BET1: variants seen among roughly 807,000 people sequenced by gnomAD.
The protein encoded by BET1 is Bet1 golgi vesicular membrane trafficking protein, also known as BET1 homolog.
In BET1, 9 loss-of-function variants were observed where a neutral mutation model predicts 13.9. The ratio of observed to expected loss-of-function variants is 0.65; its 90% confidence interval spans 0.39 to 1.13. The LOEUF (loss-of-function observed/expected upper bound fraction) is 1.13. Ranked by LOEUF, BET1 falls within the 50% of genes most tolerant of loss-of-function variation. The pLI, the probability that BET1 is intolerant of heterozygous loss-of-function variation, is 0.01. For synonymous variants in BET1, 39 were observed against 47.3 expected, an observed-to-expected ratio of 0.82 and a Z score of 0.72; for missense variants, 127 against 133.6, an observed-to-expected ratio of 0.95 and a Z score of 0.24.
downstream of BET1, among the ~76,000 whole-genome samples, chr7:93,991,074 C>T (rs561982620): frequency 1.3e-5 from 2 of 152,148 alleles, no homozygotes; most frequent in East Asian, 3.9e-4. Flanking sequence ...CAGAAGGATC[C>T]TGCTCTCCTG....
chr7:93,989,749 G>A (rs934376952), downstream of BET1, among the ~76,000 whole-genome samples: 4 of 152,192 alleles, frequency 2.6e-5, no homozygotes, highest in Non-Finnish European at 5.9e-5. Context: ...GTAACCAATA[G>A]AAAGAATGTT....
At chr7:93,964,490 C>T (rs1474172475) in exon 7 of BET1, 1 of 151,902 alleles carries the variant, frequency 6.6e-6, no homozygotes, top group African/African-American at 2.4e-5. Flanking sequence ...ATATATGTAC[C>T]ACATTTTCTT....
At chr7:93,989,984 A>G (rs187640125), downstream of BET1, among the ~76,000 whole-genome samples, 10 of 152,266 alleles carry the variant, frequency 6.6e-5, no homozygotes, top group East Asian at 1.7e-3. Flanking sequence ...TGTGGTATGG[A>G]TATCTTTAAT....
intron 6 of BET1, among the ~76,000 whole-genome samples, chr7:93,969,224 C>T (rs1795222488): frequency 6.6e-6 from 1 of 151,784 alleles, no homozygotes; most frequent in Non-Finnish European, 1.5e-5. Flanking sequence ...CAAGGAAATG[C>T]TCTAATCCAG....
chr7:93,999,743 T>C (rs1479530999), intron 1 of BET1: 1 of 455,372 alleles, frequency 2.2e-6, no homozygotes, highest in Non-Finnish European at 4.4e-6. Flanking sequence ...GGTTCTTTAC[T>C]GGCATCTCTT....
intron 4 of BET1, among the ~76,000 whole-genome samples, chr7:93,978,076 CT>C (rs11266825): frequency 0.29 from 43,408 of 147,538 alleles, 6,176 homozygotes; most frequent in Non-Finnish European, 0.31. Flanking sequence ...AACTTTGTTT[CT>C]TTTTTTTTTT....
At chr7:93,978,770 C>T (rs1795379424) in intron 4 of BET1, among the ~76,000 whole-genome samples, 1 of 152,146 alleles carries the variant, frequency 6.6e-6, no homozygotes, top group Non-Finnish European at 1.5e-5. Flanking sequence ...ATGGCTTTGA[C>T]AAACTTTTAC....
At chr7:93,978,906 A>C (rs1238324120) in intron 4 of BET1, among the ~76,000 whole-genome samples, 1 of 152,190 alleles carries the variant, frequency 6.6e-6, no homozygotes, top group Non-Finnish European at 1.5e-5. Context: ...GTCATGGTTC[A>C]AGAGCACCCA....
chr7:93,985,206 C>G (rs1795503224), intron 4 of BET1, among the ~76,000 whole-genome samples: 1 of 152,094 alleles, frequency 6.6e-6, no homozygotes, highest in Non-Finnish European at 1.5e-5. Flanking sequence ...TCATAATCTA[C>G]CTTGAGTCTG....
At chr7:93,964,206 T>C (rs917673307) in exon 7 of BET1, 5 of 152,112 alleles carry the variant, frequency 3.3e-5, no homozygotes, top group African/African-American at 9.6e-5. Flanking sequence ...GTTTGAGATA[T>C]GAATTTCTCA....
At chr7:93,995,780 A>G (rs542176578) in intron 3 of BET1, among the ~76,000 whole-genome samples, 2 of 152,196 alleles carry the variant, frequency 1.3e-5, no homozygotes, top group Non-Finnish European at 2.9e-5. Context: ...GGACTCTAAC[A>G]AGAAAAGGTA....
downstream of BET1, among the ~76,000 whole-genome samples, chr7:93,989,577 C>A (rs2116096223): frequency 6.6e-6 from 1 of 152,216 alleles, no homozygotes; most frequent in Admixed American, 6.5e-5. Context: ...GGGAGCCTGG[C>A]ATTGTCAGTT....
At chr7:93,996,233 A>T (rs1463654540) in intron 3 of BET1, 32 bp downstream of exon 3, 2 of 1,467,514 alleles carry the variant, frequency 1.4e-6, no homozygotes, top group African/African-American at 2.8e-5. Flanking sequence ...TATTAGATCA[A>T]ATTTCTTAAA....
chr7:93,992,460 C>G, downstream of BET1: 1 of 985,194 alleles, frequency 1.0e-6, no homozygotes, highest in Non-Finnish European at 1.2e-6. Context: ...TTTTCTTTGG[C>G]CTTCTGCTCT....
chr7:93,994,734 T>C lies in BET1; in HGVS notation c.202-349A>G, dbSNP rs561592242. On this transcript the variant is annotated intron_variant, in intron 3 of 3. Transcript: ENST00000222547. ...TTGTGCATTATCACACAGATTTTTT[T>C]CCCCACTTTTTGTTGTGCCATTGCT... Among the ~76,000 whole-genome samples, 117 of 152,364 alleles carry C rather than the reference T, an allele frequency of 7.7e-4. 1 individual carries two copies. The highest frequency in any genetic ancestry group is 2.6e-3 in the African/African-American group (108 of 41,582).
Position 93,993,578 on chromosome 7 carries a change from AAAT to A in BET1, c.*649_*651del. On this transcript the variant is annotated 3_prime_UTR_variant, in exon 4 of 4. Coordinates refer to ENST00000222547, the MANE Select transcript of BET1 (RefSeq NM_005868.6). ...CAAGAGAATTCATAAAGTTAATATG[AAAT>A]AATAACTATACTGATACACATGTGC... 9.3e-7 allele frequency: 1 copy of A among 1,077,486 alleles called. No homozygotes were observed. The highest frequency in any genetic ancestry group is 1.1e-6 in the Non-Finnish European group (1 of 887,360). 66.7% of individuals were successfully genotyped at this position (1,077,486 alleles called of 1,614,324 possible). A position where few individuals can be genotyped will look rare whatever the true frequency, so the allele number is the denominator to read the frequency against.
Position 93,971,084 on chromosome 7 carries a change from T to C in BET1, c.*137+1491A>G, listed in dbSNP as rs966070931. ...AAGCAAATTGCCTGACAGAAAATAT[T>C]GCAGTATATTAAAACAACTTCTACT... On this transcript the variant is annotated intron_variant and NMD_transcript_variant, in intron 6 of 6. Coordinates refer to the BET1 transcript ENST00000357520. 3.3e-5 allele frequency among the ~76,000 whole-genome samples: 5 copies of C among 151,862 alleles called. No individual in the cohort carries two copies. In the Admixed American group the frequency reaches 3.3e-4, roughly 10 times the overall value.
At chr7:93,982,761 T>C (rs895487387) in intron 4 of BET1, among the ~76,000 whole-genome samples, 4 of 152,132 alleles carry the variant, frequency 2.6e-5, no homozygotes, top group African/African-American at 9.7e-5. Flanking sequence ...CAAGAAATAA[T>C]AATAATTCTG....
intron 6 of BET1, among the ~76,000 whole-genome samples, chr7:93,965,962 T>C (rs1584120101): frequency 6.6e-6 from 1 of 152,104 alleles, no homozygotes; most frequent in Non-Finnish European, 1.5e-5. Context: ...AGTAGACTGC[T>C]CCCACCACTC....
Sources: gnomAD v4.1 joint callset for allele counts (sites outside exome capture counted in the v4.1 genomes callset) on GRCh38, gnomAD v4.1.1 for gene constraint, MANE v1.5 for transcripts, NCBI Gene and HGNC (gene_info 2026-07-23, HGNC 2026-07-21) for gene names.